UBAC2: variants seen among roughly 807,000 people sequenced by gnomAD.
UBAC2 encodes the protein ubiquitin-associated domain-containing protein 2.
A neutral mutation model predicts 44.0 loss-of-function variants in UBAC2; 26 were observed. The observed-to-expected ratio is 0.59, with a 90% CI of 0.43 to 0.82. The LOEUF is 0.82. Ranked by LOEUF, UBAC2 falls within the 40% of genes least tolerant of loss-of-function variation. The pLI is 0.00. For missense variants in UBAC2, 329 were observed against 419.4 expected, an observed-to-expected ratio of 0.78 and a Z score of 1.88; for synonymous variants, 155 against 154.3, an observed-to-expected ratio of 1.00 and a Z score of -0.04.
chr13:99,351,948 C>T lies in UBAC2; in HGVS notation c.807+11383C>T, dbSNP rs115414046. ...ACTCACACGTGCTTTCAGTTACTTT[C>T]GCAGCATTTGGTTAAAGTGAGTTTA... is the stretch of plus-strand genomic sequence containing the variant. On this transcript the variant is annotated intron_variant, in intron 7 of 8. Coordinates refer to ENST00000403766, the MANE Select transcript of UBAC2 (RefSeq NM_001144072.2). 8 of 350,244 alleles carry T rather than the reference C, an allele frequency of 2.3e-5. No individual in the cohort carries two copies. In the East Asian group the frequency reaches 3.0e-4, roughly 13 times the overall value. The allele number at this position is 350,244 out of a possible 1,614,324, so 21.7% of individuals were successfully genotyped here.
At chr13:99,300,376 T>C (rs1849632226) in intron 4 of UBAC2, among the ~76,000 whole-genome samples, 1 of 152,270 alleles carries the variant, frequency 6.6e-6, no homozygotes, top group African/African-American at 2.4e-5. Context: ...ATGATTCCGC[T>C]AGCTGGCCCT....
intron 7 of UBAC2, among the ~76,000 whole-genome samples, chr13:99,345,764 A>G (rs1215012619): frequency 1.5e-5 from 2 of 132,358 alleles, no homozygotes; most frequent in African/African-American, 5.8e-5. Context: ...TTTTTTTGAG[A>G]CAGAGTCTTG....
At chr13:99,232,101 A>G (rs2043179619) in intron 1 of UBAC2, among the ~76,000 whole-genome samples, 1 of 152,156 alleles carries the variant, frequency 6.6e-6, no homozygotes, top group Admixed American at 6.6e-5. Flanking sequence ...TGTTTTTTAA[A>G]AAAGAAAATT....
intron 1 of UBAC2, among the ~76,000 whole-genome samples, chr13:99,226,914 C>T (rs904224400): frequency 2.6e-5 from 4 of 152,106 alleles, no homozygotes; most frequent in African/African-American, 9.7e-5. Context: ...ACCGGCACCC[C>T]TTGGCTGGGC....
chr13:99,365,167 A>C (rs949581039), intron 7 of UBAC2, among the ~76,000 whole-genome samples: 9 of 152,130 alleles, frequency 5.9e-5, no homozygotes, highest in Non-Finnish European at 8.8e-5. Context: ...CCCTTGTATT[A>C]TTCTTAATAC....
At chr13:99,335,703 C>G (rs748479648) in intron 6 of UBAC2, among the ~76,000 whole-genome samples, 4 of 152,240 alleles carry the variant, frequency 2.6e-5, no homozygotes, top group Non-Finnish European at 4.4e-5. Flanking sequence ...GAATAACCCA[C>G]TCTGCAGCTG....
intron 6 of UBAC2, among the ~76,000 whole-genome samples, chr13:99,331,733 T>C (rs1385553251): frequency 6.6e-6 from 1 of 152,248 alleles, no homozygotes; most frequent in African/African-American, 2.4e-5. Flanking sequence ...CTAATTTGCA[T>C]TCACATTCTT....
In UBAC2 at chr13:99,255,354, G is replaced by C. The variant is rs543149825; in HGVS notation, c.389+10730G>C. On this transcript the variant is annotated intron_variant, in intron 4 of 8. Transcript: ENST00000403766. ...TTAGATAGATGATGTCAGAAATCTT[G>C]AGGCAGGTGGCGGGAGTGGAGTCTT... 2.2e-4 allele frequency: 349 copies of C among 1,614,184 alleles called. 4 individuals carry two copies. The South Asian group carries it at 3.4e-3, about 16-fold the overall frequency.
rs914454939 is a variant in UBAC2, at chr13:99,385,921, C to T, written c.*586C>T. On this transcript the variant is annotated 3_prime_UTR_variant, in exon 9 of 9. Coordinates refer to ENST00000403766, the MANE Select transcript of UBAC2 (RefSeq NM_001144072.2). ...AACAAAGAATGGTGATAACCATGCA[C>T]TGGTTCAAGGTTCTGGAGTTCTCCA... is the stretch of plus-strand genomic sequence containing the variant. 1 of 153,892 alleles carries T rather than the reference C, an allele frequency of 6.5e-6. No homozygotes were observed. The highest frequency in any genetic ancestry group is 1.5e-5 in the Non-Finnish European group (1 of 68,902). The allele number at this position is 153,892 out of a possible 1,614,324, so 9.5% of individuals were successfully genotyped here.
At chr13:99,317,685 A>C (rs546826860) in intron 5 of UBAC2, among the ~76,000 whole-genome samples, 1 of 152,326 alleles carries the variant, frequency 6.6e-6, no homozygotes, top group African/African-American at 2.4e-5. Flanking sequence ...TGTTAATTCT[A>C]ATAATTTCTT....
At chr13:99,281,581 A>C (rs896150572) in intron 4 of UBAC2, among the ~76,000 whole-genome samples, 14 of 152,178 alleles carry the variant, frequency 9.2e-5, no homozygotes, top group African/African-American at 3.4e-4. Flanking sequence ...ATCTACTTTG[A>C]GGAAACAGGC....
In UBAC2 at chr13:99,200,930, A is replaced by G. The variant is rs1323280372; in HGVS notation, c.22A>G (p.Ser8Gly). 6.1e-6 allele frequency: 8 copies of G among 1,307,182 alleles called. No individual in the cohort carries two copies. The South Asian group carries it at 1.2e-4, about 20-fold the overall frequency. The allele number at this position is 1,307,182 out of a possible 1,614,324, so 81.0% of individuals were successfully genotyped here. A position where few individuals can be genotyped will look rare whatever the true frequency, so the allele number is the denominator to read the frequency against. Residue 8 changes from serine to glycine, a missense_variant, in exon 1 of 9, where the codon AGT becomes GGT. By Grantham distance (56) the Ser-to-Gly change is moderately conservative. Transcript: ENST00000403766. MFTSTGS[S>G]GLYKAPLSKS... is the part of the protein sequence containing the mutation. ...GACCATGTTCACCAGCACCGGCTCC[A>G]GTGGGCTCTGTGAGTACCGGCCTCC...
At position 99,254,942 on chromosome 13, in the gene UBAC2, G is replaced by A. The variant is rs374416624; in HGVS notation, c.389+10318G>A. The A allele has an allele frequency of 8.1e-6, 13 of 1,613,734 alleles. No homozygotes were observed. Among genetic ancestry groups the A allele is most frequent in the East Asian group, 4.5e-5 (2 of 44,892 alleles). ...CTACCAGATCGGAAACTTTTTCTGC[G>A]CATGCTTCGAAGGTAATTACGGTAT... On this transcript the variant is annotated intron_variant, in intron 4 of 8. Transcript: ENST00000403766.
At chr13:99,203,575 C>G (rs1232384201) in intron 1 of UBAC2, among the ~76,000 whole-genome samples, 1 of 152,196 alleles carries the variant, frequency 6.6e-6, no homozygotes, top group African/African-American at 2.4e-5. Flanking sequence ...CAATAAGTGT[C>G]TGTTGGGTAC....
rs11839876 is a variant in UBAC2, at chr13:99,324,605, A to G, written c.561+6536A>G. Reference sequence around the variant, plus strand: ...GTACTCTTTTCTAAGCACTTTACAAACATTATTTTAATTAGCCCTCATAAA... The same window carrying G: ...GTACTCTTTTCTAAGCACTTTACAAGCATTATTTTAATTAGCCCTCATAAA... On this transcript the variant is annotated intron_variant, in intron 6 of 8. Coordinates refer to ENST00000403766, the MANE Select transcript of UBAC2 (RefSeq NM_001144072.2). 3.8e-3 allele frequency among the ~76,000 whole-genome samples: 580 copies of G among 152,360 alleles called. 6 individuals carry two copies. Among genetic ancestry groups the G allele is most frequent in the South Asian group, 0.011 (52 of 4,832 alleles).
intron 7 of UBAC2, among the ~76,000 whole-genome samples, chr13:99,349,705 CTT>C (rs1196170112): frequency 5.9e-5 from 9 of 152,176 alleles, no homozygotes; most frequent in Admixed American, 6.5e-5. Context: ...GACTTTAAGA[CTT>C]TTACTATTTC....
chr13:99,330,379 A>T (rs1026856010), intron 6 of UBAC2, among the ~76,000 whole-genome samples: 1 of 147,914 alleles, frequency 6.8e-6, no homozygotes, highest in African/African-American at 2.5e-5. Flanking sequence ...GAATCGCTTG[A>T]ACCTGGGACG....
intron 4 of UBAC2, among the ~76,000 whole-genome samples, chr13:99,313,770 C>T (rs955163218): frequency 1.3e-5 from 2 of 152,134 alleles, no homozygotes; most frequent in Admixed American, 6.5e-5. Context: ...TTGCTGCTTT[C>T]GATTTGTCTA....
intron 7 of UBAC2, among the ~76,000 whole-genome samples, chr13:99,347,148 G>T (rs560338403): frequency 6.6e-6 from 1 of 151,914 alleles, no homozygotes; most frequent in East Asian, 1.9e-4. Context: ...GGATACTCTT[G>T]AGAGAACAGT....
Sources: gnomAD v4.1 joint callset for allele counts (sites outside exome capture counted in the v4.1 genomes callset) on GRCh38, gnomAD v4.1.1 for gene constraint, MANE v1.5 for transcripts, NCBI Gene and HGNC (gene_info 2026-07-23, HGNC 2026-07-21) for gene names.